The following LRRC74B variants were observed in gnomAD, a reference collection of about 807,000 sequenced individuals.
LRRC74B encodes leucine rich repeat containing 74B, also known as leucine-rich repeat-containing protein 74B.
Under a neutral mutation model 16.6 loss-of-function variants are expected in LRRC74B, and 30 were observed. That is an observed-to-expected ratio of 1.80 (90% CI 1.35 to 2.45). The LOEUF (loss-of-function observed/expected upper bound fraction) is 2.45, where lower values mean the gene tolerates loss of function less well. Among genes scored for constraint, LRRC74B ranks in the 30% most tolerant of loss-of-function variants. The probability of loss-of-function intolerance (pLI) is 0.00; values close to 1 mark genes in which losing one functional copy is unlikely to be tolerated. For synonymous variants in LRRC74B, 134 were observed against 86.0 expected, an observed-to-expected ratio of 1.56 and a Z score of -3.09; for missense variants, 326 against 202.4, an observed-to-expected ratio of 1.61 and a Z score of -3.71.
chr22:21,061,526 A>C (rs1188793112), downstream of LRRC74B, among the ~76,000 whole-genome samples: 3 of 148,426 alleles, frequency 2.0e-5, no homozygotes, highest in Non-Finnish European at 4.4e-5. Flanking sequence ...AGCTGGGTGC[A>C]GTGGCACGTG....
chr22:21,046,599 T>G (rs1929456258), intron 1 of LRRC74B, among the ~76,000 whole-genome samples: 1 of 152,068 alleles, frequency 6.6e-6, no homozygotes, highest in South Asian at 2.1e-4. Context: ...TTGGGTTGCT[T>G]GGGCTCATAT....
chr22:21,046,113 C>G, exon 1 of LRRC74B: 1 of 717,126 alleles, frequency 1.4e-6, no homozygotes, highest in Non-Finnish European at 2.6e-6. Context: ...GGACTCCGAC[C>G]TGGAGACGGA....
At chr22:21,060,872 T>A (rs1319396877), downstream of LRRC74B, among the ~76,000 whole-genome samples, 2 of 152,166 alleles carry the variant, frequency 1.3e-5, no homozygotes, top group Non-Finnish European at 2.9e-5. Context: ...TAAGGAGGGG[T>A]GCACACTCTA....
intron 7 of LRRC74B, 68 bp from the exon 8 acceptor site, chr22:21,057,037 T>C (rs1930573653): frequency 1.4e-6 from 1 of 704,518 alleles, no homozygotes; most frequent in Non-Finnish European, 2.6e-6. Context: ...AGCCCCTCCT[T>C]CCCTTTCACA....
At chr22:21,057,887 ATT>A (rs4051931) in intron 8 of LRRC74B, among the ~76,000 whole-genome samples, 11 of 122,014 alleles carry the variant, frequency 9.0e-5, no homozygotes, top group Admixed American at 1.6e-4. Context: ...GTCAATTTTG[ATT>A]TTTTTTTTTT....
chr22:21,051,761 C>T (rs1381432425), intron 4 of LRRC74B, among the ~76,000 whole-genome samples: 1 of 152,230 alleles, frequency 6.6e-6, no homozygotes, highest in African/African-American at 2.4e-5. Context: ...TCCTTCCTCA[C>T]CTCACTGGCT....
exon 1 of LRRC74B, chr22:21,046,060 T>C (rs755414079): frequency 4.2e-6 from 3 of 717,332 alleles, no homozygotes; most frequent in Non-Finnish European, 5.2e-6. Context: ...TGTGGGCGTC[T>C]TTCAGGGGTC....
chr22:21,051,031 C>G (rs538852506), intron 4 of LRRC74B, among the ~76,000 whole-genome samples: 5 of 150,204 alleles, frequency 3.3e-5, no homozygotes, highest in African/African-American at 4.9e-5. Context: ...TGACATGTGC[C>G]TGTAGTCTCA....
At chr22:21,061,397 A>G (rs1191117559), downstream of LRRC74B, among the ~76,000 whole-genome samples, 2 of 152,280 alleles carry the variant, frequency 1.3e-5, no homozygotes, top group East Asian at 3.8e-4. Context: ...GGATTGGCCA[A>G]TTAAAATTTG....
intron 4 of LRRC74B, among the ~76,000 whole-genome samples, chr22:21,051,191 G>C (rs1435845114): frequency 1.3e-5 from 2 of 152,122 alleles, no homozygotes; most frequent in African/African-American, 4.8e-5. Flanking sequence ...TTTAGTGCCT[G>C]TTTCCCTGTT....
At chr22:21,060,820 C>T (rs1930774708), downstream of LRRC74B, among the ~76,000 whole-genome samples, 1 of 152,174 alleles carries the variant, frequency 6.6e-6, no homozygotes, top group Non-Finnish European at 1.5e-5. Context: ...CCCTGCCCTC[C>T]CCATGTTCAT....
At chr22:21,049,252 G>T (rs1369662713) in intron 4 of LRRC74B, 95 bp downstream of exon 4, 5 of 609,722 alleles carry the variant, frequency 8.2e-6, no homozygotes, top group Non-Finnish European at 1.5e-5. Flanking sequence ...CATCGCCAGG[G>T]AGCATGTGCT....
intron 7 of LRRC74B, among the ~76,000 whole-genome samples, chr22:21,055,769 C>G (rs1254848187): frequency 1.3e-5 from 2 of 152,182 alleles, no homozygotes; most frequent in African/African-American, 4.8e-5. Flanking sequence ...TGGGCTTCTC[C>G]CATAGCTCTC....
At chr22:21,048,747 C>T (rs1482367968) in intron 3 of LRRC74B, 14 of 587,034 alleles carry the variant, frequency 2.4e-5, no homozygotes, top group South Asian at 1.0e-4. Context: ...CCACTTGACA[C>T]AGAAGCTGGT....
chr22:21,057,273 A>G, intron 8 of LRRC74B, 73 bp downstream of exon 8: 1 of 690,268 alleles, frequency 1.4e-6, no homozygotes, highest in South Asian at 1.6e-5. Flanking sequence ...TTAGAAGAAG[A>G]AAGTGAGGGT....
chr22:21,052,984 C>T (rs1306937827), intron 5 of LRRC74B, among the ~76,000 whole-genome samples: 1 of 152,212 alleles, frequency 6.6e-6, no homozygotes, highest in Admixed American at 6.5e-5. Context: ...GGACAGGTTT[C>T]ATCCAACAGC....
At chr22:21,048,690 C>T (rs968599143) in intron 3 of LRRC74B, 7 of 494,248 alleles carry the variant, frequency 1.4e-5, no homozygotes, top group Non-Finnish European at 2.6e-5. Flanking sequence ...GTATAGCTGC[C>T]CCCCACCACA....
intron 8 of LRRC74B, among the ~76,000 whole-genome samples, chr22:21,058,990 C>T (rs1284111255): frequency 5.3e-5 from 8 of 152,224 alleles, no homozygotes; most frequent in South Asian, 2.1e-4. Context: ...TGATGGTTCA[C>T]GCCTATAACC....
downstream of LRRC74B, chr22:21,063,232 G>C (rs918054893): frequency 1.3e-5 from 2 of 152,086 alleles, no homozygotes; most frequent in African/African-American, 4.8e-5. Flanking sequence ...CTTTCAAAAG[G>C]AGTATTGAGT....
Sources: gnomAD v4.1 joint callset for allele counts (sites outside exome capture counted in the v4.1 genomes callset) on GRCh38, gnomAD v4.1.1 for gene constraint, MANE v1.5 for transcripts, NCBI Gene and HGNC (gene_info 2026-07-23, HGNC 2026-07-21) for gene names.